The following NPAS3 variants were observed in gnomAD, a reference collection of about 807,000 sequenced individuals.
NPAS3 encodes neuronal PAS domain protein 3, also known as neuronal PAS domain-containing protein 3.
In NPAS3, 14 loss-of-function variants were observed where a neutral mutation model predicts 73.1. That is an observed-to-expected ratio of 0.19 (90% CI 0.13 to 0.30). The LOEUF is 0.30. NPAS3 is among the 10% of genes least tolerant of loss of function. The probability of loss-of-function intolerance (pLI) is 1.00; values close to 1 mark genes in which losing one functional copy is unlikely to be tolerated. For synonymous variants in NPAS3, 620 were observed against 541.5 expected, an observed-to-expected ratio of 1.14 and a Z score of -2.01; for missense variants, 1,096 against 1,250.0, an observed-to-expected ratio of 0.88 and a Z score of 1.86.
At chr14:33,145,078 A>G (rs7153283) in intron 2 of NPAS3, among the ~76,000 whole-genome samples, 53,216 of 152,036 alleles carry the variant, frequency 0.35, 9,418 homozygotes, top group Admixed American at 0.39. Flanking sequence ...TATTTAAGTT[A>G]CAGGGGAGAT....
intron 6 of NPAS3, among the ~76,000 whole-genome samples, chr14:33,725,808 G>T (rs1006521293): frequency 3.3e-5 from 5 of 151,838 alleles, no homozygotes; most frequent in African/African-American, 1.2e-4. Flanking sequence ...AATCCCAGGT[G>T]GTTTCCCTAC....
At chr14:33,307,612 T>TGTGTGTGTGTG (rs9322923) in intron 3 of NPAS3, among the ~76,000 whole-genome samples, 1 of 149,706 alleles carries the variant, frequency 6.7e-6, no homozygotes, top group African/African-American at 2.5e-5. Context: ...TGTGTGTGTG[T>TGTGTGTGTGTG]TCGTGTGCGT....
At chr14:32,968,196 A>AT (rs1490486133) in intron 1 of NPAS3, among the ~76,000 whole-genome samples, 1 of 152,144 alleles carries the variant, frequency 6.6e-6, no homozygotes, top group Non-Finnish European at 1.5e-5. Context: ...ATAATAATGT[A>AT]TTTTGTTCTT....
chr14:33,420,766 A>T (rs568186070), intron 4 of NPAS3, among the ~76,000 whole-genome samples: 1 of 152,084 alleles, frequency 6.6e-6, no homozygotes, highest in Non-Finnish European at 1.5e-5. Flanking sequence ...AATATTCTAC[A>T]GATTTGTTTA....
chr14:33,093,098 C>G (rs2042284458), intron 2 of NPAS3, among the ~76,000 whole-genome samples: 1 of 152,152 alleles, frequency 6.6e-6, no homozygotes, highest in African/African-American at 2.4e-5. Context: ...GCAATGGCAG[C>G]AAAAGCCAAA....
At chr14:33,363,106 G>A (rs1341008990) in intron 3 of NPAS3, among the ~76,000 whole-genome samples, 1 of 152,084 alleles carries the variant, frequency 6.6e-6, no homozygotes, top group Non-Finnish European at 1.5e-5. Flanking sequence ...TTTGTAATGG[G>A]TTCTTCCATG....
In NPAS3 at chr14:33,784,729, A is replaced by AT. The variant is rs1342325354; in HGVS notation, c.1153+6160dup. Among the ~76,000 whole-genome samples the AT allele has an allele frequency of 5.4e-4, 49 of 90,152 alleles. 1 individual carries two copies. Among genetic ancestry groups the AT allele is most frequent in the African/African-American group, 1.3e-3 (23 of 17,930 alleles). 59.1% of individuals were successfully genotyped at this position (90,152 alleles called of 152,430 possible). A position where few individuals can be genotyped will look rare whatever the true frequency, so the allele number is the denominator to read the frequency against. ...TTATTTTTTATTGTTATTTTTATTT[A>AT]TTTATTTATTTATTTATTTTTTTTT... On this transcript the variant is annotated intron_variant, in intron 9 of 11. Transcript: ENST00000356141.
intron 2 of NPAS3, among the ~76,000 whole-genome samples, chr14:33,092,204 C>G (rs147547957): frequency 6.6e-6 from 1 of 152,288 alleles, no homozygotes; most frequent in African/African-American, 2.4e-5. Flanking sequence ...GATGACATGA[C>G]TGTATATTTG....
At chr14:33,448,204 G>A (rs1316446441) in intron 4 of NPAS3, among the ~76,000 whole-genome samples, 1 of 152,196 alleles carries the variant, frequency 6.6e-6, no homozygotes, top group Non-Finnish European at 1.5e-5. Flanking sequence ...ATACAGATTT[G>A]AACATCATTT....
intron 1 of NPAS3, among the ~76,000 whole-genome samples, chr14:32,956,069 G>A (rs567976558): frequency 6.6e-6 from 1 of 150,858 alleles, no homozygotes; most frequent in African/African-American, 2.4e-5. Context: ...ACCATTGATG[G>A]TTTTTTTTTA....
At chr14:32,956,051 C>T (rs1461150575) in intron 1 of NPAS3, among the ~76,000 whole-genome samples, 1 of 151,994 alleles carries the variant, frequency 6.6e-6, no homozygotes, top group Admixed American at 6.6e-5. Flanking sequence ...TCAGTTACAA[C>T]CAAATATACC....
At chr14:33,618,221 T>C (rs2057978012) in intron 5 of NPAS3, among the ~76,000 whole-genome samples, 1 of 152,012 alleles carries the variant, frequency 6.6e-6, no homozygotes, top group Non-Finnish European at 1.5e-5. Context: ...GGAGGGATGG[T>C]TTTGGGATGA....
At chr14:33,504,801 G>A (rs1328707934) in intron 4 of NPAS3, among the ~76,000 whole-genome samples, 2 of 151,966 alleles carry the variant, frequency 1.3e-5, no homozygotes, top group Non-Finnish European at 2.9e-5. Context: ...AAGTAAATTG[G>A]CAATTACAAT....
At chr14:33,751,216 A>C (rs2061953668) in intron 7 of NPAS3, among the ~76,000 whole-genome samples, 1 of 152,228 alleles carries the variant, frequency 6.6e-6, no homozygotes, top group African/African-American at 2.4e-5. Context: ...TCATTGTAAG[A>C]GAAAGAGCAT....
intron 4 of NPAS3, among the ~76,000 whole-genome samples, chr14:33,464,216 C>T (rs960443364): frequency 6.6e-6 from 1 of 152,182 alleles, no homozygotes; most frequent in African/African-American, 2.4e-5. Flanking sequence ...GGCAGTGCCA[C>T]AAATCTACAT....
At chr14:33,797,361 C>G in intron 10 of NPAS3, 96 bp from the exon 11 acceptor site, 1 of 1,350,102 alleles carries the variant, frequency 7.4e-7, no homozygotes, top group African/African-American at 1.5e-5. Context: ...TTTCTAAACT[C>G]CAGAAGTCTG....
intron 1 of NPAS3, among the ~76,000 whole-genome samples, chr14:33,017,776 G>A (rs1164774885): frequency 6.6e-6 from 1 of 152,068 alleles, no homozygotes; most frequent in Non-Finnish European, 1.5e-5. Context: ...AGAATTTACT[G>A]CACTAAGTGT....
chr14:32,965,489 C>G (rs1439706176), intron 1 of NPAS3, among the ~76,000 whole-genome samples: 1 of 152,152 alleles, frequency 6.6e-6, no homozygotes, highest in African/African-American at 2.4e-5. Flanking sequence ...GAAGAAAAAT[C>G]ATTTGACAAA....
At chr14:33,005,341 G>A (rs2038964461) in intron 1 of NPAS3, among the ~76,000 whole-genome samples, 1 of 152,058 alleles carries the variant, frequency 6.6e-6, no homozygotes, top group Admixed American at 6.6e-5. Context: ...ACATATATGT[G>A]TTCTGCCTTT....
Sources: allele counts gnomAD v4.1 joint callset (sites outside exome capture counted in the v4.1 genomes callset), GRCh38; gene constraint gnomAD v4.1.1; transcripts MANE v1.5; gene names NCBI Gene and HGNC (gene_info 2026-07-23, HGNC 2026-07-21).